TPPP: variants seen among roughly 807,000 people sequenced by gnomAD.
The protein encoded by TPPP is tubulin polymerization promoting protein, also known as tubulin polymerization-promoting protein.
In TPPP, 6 loss-of-function variants were observed where a neutral mutation model predicts 15.5. The ratio of observed to expected loss-of-function variants is 0.39; its 90% confidence interval spans 0.21 to 0.77. TPPP has a LOEUF of 0.77. Among genes scored for constraint, TPPP ranks in the 30% least tolerant of loss-of-function variants. The probability of loss-of-function intolerance (pLI) is 0.42; values close to 1 mark genes in which losing one functional copy is unlikely to be tolerated. For synonymous variants in TPPP, 146 were observed against 133.9 expected, an observed-to-expected ratio of 1.09 and a Z score of -0.63; for missense variants, 269 against 307.2, an observed-to-expected ratio of 0.88 and a Z score of 0.93.
chr5:674,492 C>T (rs192482134), intron 2 of TPPP, among the ~76,000 whole-genome samples: 8 of 151,988 alleles, frequency 5.3e-5, no homozygotes, highest in African/African-American at 1.7e-4. Context: ...TCTCCCGGTC[C>T]GAGTGCCCGG....
intron 1 of TPPP, among the ~76,000 whole-genome samples, chr5:691,416 T>A (rs1740860141): frequency 1.7e-5 from 1 of 59,908 alleles, no homozygotes; most frequent in African/African-American, 9.2e-5. Context: ...CCCTGAGAAG[T>A]CAGGCGGGGA....
At chr5:668,017 C>T (rs1168033542) in intron 2 of TPPP, among the ~76,000 whole-genome samples, 2 of 43,918 alleles carry the variant, frequency 4.6e-5, no homozygotes, top group Admixed American at 4.8e-4. Context: ...GAAGTACCGA[C>T]AAGCACACAG....
chr5:693,683 C>T (rs1246109525), upstream of TPPP, among the ~76,000 whole-genome samples: 1 of 151,508 alleles, frequency 6.6e-6, no homozygotes, highest in Admixed American at 6.6e-5. Flanking sequence ...CGGGGACGAC[C>T]GGACCCCGAT....
chr5:678,910 G>T (rs1250149395), intron 1 of TPPP, among the ~76,000 whole-genome samples: 3 of 152,170 alleles, frequency 2.0e-5, no homozygotes, highest in African/African-American at 7.2e-5. Flanking sequence ...TCCCTACCAT[G>T]CATGGGCTTC....
chr5:666,702 A>G (rs1177634550), intron 2 of TPPP, among the ~76,000 whole-genome samples: 2 of 152,080 alleles, frequency 1.3e-5, no homozygotes, highest in Non-Finnish European at 2.9e-5. Context: ...CGGAGGTGCC[A>G]TGAGAAGCTT....
rs1294356102 is a variant in TPPP, at chr5:659,877, C to G, written c.*5225G>C. The G allele has an allele frequency of 6.6e-6, 1 of 152,390 alleles. No individual in the cohort carries two copies. Among genetic ancestry groups the G allele is most frequent in the Non-Finnish European group, 1.5e-5 (1 of 68,058 alleles). The allele number at this position is 152,390 out of a possible 1,614,324, so 9.4% of individuals were successfully genotyped here. On this transcript the variant is annotated 3_prime_UTR_variant, in exon 4 of 4. Transcript: ENST00000360578. ...AACAGAGAAATCCATGTTTTAACACCTTTATTTGTCACTTTACCAACTTGA... is the reference window on the plus strand; with the variant it reads ...AACAGAGAAATCCATGTTTTAACACGTTTATTTGTCACTTTACCAACTTGA...
At chr5:683,745 C>T (rs561283) in intron 1 of TPPP, among the ~76,000 whole-genome samples, 47,727 of 149,548 alleles carry the variant, frequency 0.32, 4,116 homozygotes, top group Non-Finnish European at 0.37. Flanking sequence ...GGGGCCGAGG[C>T]GCTCAGCAGT....
At chr5:667,572 C>A (rs554081619) in intron 2 of TPPP, among the ~76,000 whole-genome samples, 1 of 151,800 alleles carries the variant, frequency 6.6e-6, no homozygotes, top group East Asian at 1.9e-4. Context: ...TAGACTTCAT[C>A]AAAACGTTCG....
At chr5:668,958 G>T (rs546208920) in intron 2 of TPPP, among the ~76,000 whole-genome samples, 9 of 152,338 alleles carry the variant, frequency 5.9e-5, no homozygotes, top group South Asian at 4.1e-4. Flanking sequence ...CGGATGCTGT[G>T]TTTAAACAGC....
rs763585362 is a variant in TPPP at position 666,129 on chromosome 5, G to A, written c.312-6C>T. On this transcript the variant is annotated splice_polypyrimidine_tract_variant and splice_region_variant and intron_variant, in intron 2 of 3. Coordinates refer to ENST00000360578, the MANE Select transcript of TPPP (RefSeq NM_007030.3). Reference sequence around the variant, plus strand: ...TGGTCCGGCAAGACTTCCCTCTACAGGGGCACAGGCGACTTAGGGCTGGGC... The same window carrying A: ...TGGTCCGGCAAGACTTCCCTCTACAAGGGCACAGGCGACTTAGGGCTGGGC... The A allele has an allele frequency of 2.5e-6, 4 of 1,606,620 alleles. No homozygotes were observed. The highest frequency in any genetic ancestry group is 4.5e-5 in the East Asian group (2 of 44,700).
intron 1 of TPPP, among the ~76,000 whole-genome samples, chr5:680,873 C>T (rs766575166): frequency 1.3e-5 from 2 of 152,218 alleles, no homozygotes; most frequent in Non-Finnish European, 1.5e-5. Context: ...GAATTAGGCA[C>T]GACGTGCCGC....
In TPPP at chr5:666,002, C is replaced by T. The variant is rs1248170111; in HGVS notation, c.433G>A (p.Glu145Lys). The change falls in exon 3 of 4, where the codon GAG (glutamate) becomes AAG (lysine). Residue 145 changes from glutamate (E) to lysine (K), a missense_variant. Coordinates refer to ENST00000360578, the MANE Select transcript of TPPP (RefSeq NM_007030.3). ...CCTGAGATGATGGGCGCCTTGCCCT[C>T]GATGAGCCTGTGCACCTCGCGAACG... ...EAVREVHRLI[E>K]GKAPIISGVT... 4.4e-6 allele frequency: 7 copies of T among 1,606,062 alleles called. No individual in the cohort carries two copies. The highest frequency in any genetic ancestry group is 1.1e-5 in the South Asian group (1 of 90,858).
intron 1 of TPPP, among the ~76,000 whole-genome samples, chr5:688,231 C>T (rs1186860937): frequency 7.3e-6 from 1 of 137,500 alleles, no homozygotes; most frequent in Non-Finnish European, 1.6e-5. Context: ...CAGGAATGCC[C>T]ACGACAGCTT....
At chr5:699,509 A>G in the TPPP span, among the ~76,000 whole-genome samples, 1 of 152,122 alleles carries the variant, frequency 6.6e-6, no homozygotes, top group African/African-American at 2.4e-5. Context: ...CAAACACTAT[A>G]AAAATCCTAG....
chr5:687,126 G>A, intron 1 of TPPP, among the ~76,000 whole-genome samples: 1 of 132,584 alleles, frequency 7.5e-6, no homozygotes, highest in Non-Finnish European at 1.7e-5. Flanking sequence ...GACAACTGGA[G>A]CCACCAGAAG....
chr5:684,142 C>T (rs1402103117), intron 1 of TPPP, among the ~76,000 whole-genome samples: 3 of 152,218 alleles, frequency 2.0e-5, no homozygotes, highest in South Asian at 2.1e-4. Context: ...CAATGTCCCA[C>T]GGCCACAGTT....
chr5:679,293 T>G (rs1183588872), intron 1 of TPPP, among the ~76,000 whole-genome samples: 3 of 151,954 alleles, frequency 2.0e-5, no homozygotes, highest in Non-Finnish European at 4.4e-5. Context: ...CTTAAGGGCC[T>G]CAGGCCCCAC....
At chr5:681,274 G>A (rs1260238301) in intron 1 of TPPP, among the ~76,000 whole-genome samples, 1 of 152,202 alleles carries the variant, frequency 6.6e-6, no homozygotes, top group Non-Finnish European at 1.5e-5. Context: ...GGAAAAGAAG[G>A]TTGTGTAGCA....
At chr5:694,035 G>A (rs1740971841), upstream of TPPP, among the ~76,000 whole-genome samples, 1 of 50,324 alleles carries the variant, frequency 2.0e-5, no homozygotes, top group African/African-American at 7.1e-5. Context: ...TGGAGGAGCG[G>A]AGCGCGCACC....
Sources: allele counts gnomAD v4.1 joint callset (sites outside exome capture counted in the v4.1 genomes callset), GRCh38; gene constraint gnomAD v4.1.1; transcripts MANE v1.5; gene names NCBI Gene and HGNC (gene_info 2026-07-23, HGNC 2026-07-21).